Variants in THSD4 observed in about 807,000 individuals in gnomAD.
The protein encoded by THSD4 is thrombospondin type-1 domain-containing protein 4.
In THSD4, 69 loss-of-function variants were observed where a neutral mutation model predicts 119.0. The ratio of observed to expected loss-of-function variants is 0.58; its 90% CI spans 0.48 to 0.71. The LOEUF is 0.71. Among genes scored for constraint, THSD4 ranks in the 30% least tolerant of loss-of-function variants. The pLI, the probability that THSD4 is intolerant of heterozygous loss-of-function variation, is 0.00. For missense variants in THSD4, 1,393 were observed against 1,391.1 expected, an observed-to-expected ratio of 1.00 and a Z score of -0.02; for synonymous variants, 524 against 540.4, an observed-to-expected ratio of 0.97 and a Z score of 0.42.
chr15:71,440,920 C>T (rs2047079272), intron 7 of THSD4, among the ~76,000 whole-genome samples: 1 of 152,124 alleles, frequency 6.6e-6, no homozygotes, highest in Non-Finnish European at 1.5e-5. Context: ...AAGTGAACTG[C>T]TCTTCAGACT....
At chr15:71,718,510 A>T (rs768975504) in intron 8 of THSD4, among the ~76,000 whole-genome samples, 1 of 152,154 alleles carries the variant, frequency 6.6e-6, no homozygotes, top group Non-Finnish European at 1.5e-5. Context: ...CATGCTACCC[A>T]TCTTCCTATT....
chr15:71,271,872 A>G (rs1421090944), intron 6 of THSD4, among the ~76,000 whole-genome samples: 1 of 152,220 alleles, frequency 6.6e-6, no homozygotes, highest in Non-Finnish European at 1.5e-5. Flanking sequence ...ACAAGACATC[A>G]GTCTAGGGGA....
chr15:71,462,842 C>A (rs956647901), intron 7 of THSD4, among the ~76,000 whole-genome samples: 2 of 152,178 alleles, frequency 1.3e-5, no homozygotes, highest in African/African-American at 4.8e-5. Flanking sequence ...ATTTGTGTGA[C>A]AAGTATTTGT....
intron 7 of THSD4, among the ~76,000 whole-genome samples, chr15:71,580,080 A>G (rs11072304): frequency 0.22 from 33,755 of 152,108 alleles, 4,412 homozygotes; most frequent in Non-Finnish European, 0.3. Context: ...AGAGTTTTCA[A>G]AAAAGAATAC....
At chr15:71,688,110 C>T (rs187198857) in intron 8 of THSD4, among the ~76,000 whole-genome samples, 6 of 152,302 alleles carry the variant, frequency 3.9e-5, no homozygotes, top group South Asian at 2.1e-4. Context: ...TGTATTTTCC[C>T]GTCTCTTCAT....
At chr15:71,487,677 T>C (rs2047843843) in intron 7 of THSD4, among the ~76,000 whole-genome samples, 1 of 152,254 alleles carries the variant, frequency 6.6e-6, no homozygotes, top group African/African-American at 2.4e-5. Flanking sequence ...TCAAGAATGT[T>C]GTTCAAATGT....
At chr15:71,516,132 C>G (rs780565655) in intron 7 of THSD4, among the ~76,000 whole-genome samples, 2 of 152,176 alleles carry the variant, frequency 1.3e-5, no homozygotes, top group Non-Finnish European at 2.9e-5. Context: ...AGTATCTGCT[C>G]TCCACTGAAA....
intron 6 of THSD4, among the ~76,000 whole-genome samples, chr15:71,326,841 G>A (rs576845405): frequency 1.2e-3 from 184 of 148,326 alleles, no homozygotes; most frequent in Non-Finnish European, 2.2e-3. Flanking sequence ...CCACTGCACT[G>A]AAGTTTGGAT....
intron 3 of THSD4, among the ~76,000 whole-genome samples, chr15:71,173,022 A>G (rs1352362293): frequency 6.6e-6 from 1 of 152,010 alleles, no homozygotes; most frequent in African/African-American, 2.4e-5. Context: ...AAGTTCTAGG[A>G]GAAGCAATTA....
At chr15:71,270,312 C>T (rs993327194) in intron 6 of THSD4, among the ~76,000 whole-genome samples, 3 of 152,194 alleles carry the variant, frequency 2.0e-5, no homozygotes, top group African/African-American at 4.8e-5. Context: ...CCACAACCAT[C>T]TGATCTTTGA....
intron 7 of THSD4, among the ~76,000 whole-genome samples, chr15:71,512,939 G>A (rs567070786): frequency 2.6e-5 from 4 of 152,254 alleles, no homozygotes; most frequent in Admixed American, 2.6e-4. Context: ...TCTAGAAAAT[G>A]AAAACATACA....
chr15:71,529,600 G>A (rs2140808627), intron 7 of THSD4, among the ~76,000 whole-genome samples: 1 of 152,288 alleles, frequency 6.6e-6, no homozygotes, highest in Middle Eastern at 3.4e-3. Context: ...ATGGTGCCAG[G>A]TGCTAGGTTG....
chr15:71,313,674 G>C (rs902916468), intron 6 of THSD4, among the ~76,000 whole-genome samples: 1 of 152,096 alleles, frequency 6.6e-6, no homozygotes, highest in Non-Finnish European at 1.5e-5. Context: ...GACTCTTTTC[G>C]TAAAAGTGTT....
At chr15:71,184,523 G>C (rs770368989) in intron 3 of THSD4, among the ~76,000 whole-genome samples, 5 of 151,728 alleles carry the variant, frequency 3.3e-5, no homozygotes, top group African/African-American at 7.2e-5. Flanking sequence ...AACTTTTCAC[G>C]TTTACCATCT....
At chr15:71,209,710 A>G (rs181078038) in intron 3 of THSD4, among the ~76,000 whole-genome samples, 2 of 152,300 alleles carry the variant, frequency 1.3e-5, no homozygotes, top group East Asian at 3.9e-4. Flanking sequence ...TATGGGTGAT[A>G]TGGTTGTGTC....
intron 7 of THSD4, among the ~76,000 whole-genome samples, chr15:71,587,629 C>T (rs1460143277): frequency 8.2e-5 from 9 of 110,370 alleles, no homozygotes; most frequent in Admixed American, 1.0e-4. Flanking sequence ...GTGGTGGGGT[C>T]GGGGGAGAGG....
At chr15:71,527,204 G>T (rs1310566019) in intron 7 of THSD4, among the ~76,000 whole-genome samples, 1 of 152,030 alleles carries the variant, frequency 6.6e-6, no homozygotes, top group Non-Finnish European at 1.5e-5. Context: ...AGACACCAAA[G>T]CTGCTGGAGC....
chr15:71,451,787 G>A (rs576611738), intron 7 of THSD4, among the ~76,000 whole-genome samples: 28 of 152,078 alleles, frequency 1.8e-4, no homozygotes, highest in Non-Finnish European at 3.1e-4. Context: ...GTTCTCCTGG[G>A]TAGGTCAGGG....
At position 71,215,215 on chromosome 15, in the gene THSD4, G is replaced by A. The variant is rs746860013; in HGVS notation, c.280G>A (p.Gly94Ser). 6.5e-5 allele frequency: 89 copies of A among 1,377,854 alleles called. 1 individual carries two copies. In the South Asian group the frequency reaches 1.2e-3, roughly 19 times the overall value. The allele number at this position is 1,377,854 out of a possible 1,614,324, so 85.4% of individuals were successfully genotyped here. A position where few individuals can be genotyped will look rare whatever the true frequency, so the allele number is the denominator to read the frequency against. ...CCGCCTGCGCGGCGGCCAGCGGCCT[G>A]GCGCCCCTGCGCGCGCCTTCGCGGA... is the stretch of plus-strand genomic sequence containing the variant. ...SYRLRGGQRP[G>S]APARAFADHV... The change falls in exon 4 of 18, where the codon GGC (glycine) becomes AGC (serine). Residue 94 changes from glycine to serine, a missense_variant. Physicochemically the swap from Gly to Ser is moderately conservative, Grantham distance 56 (BLOSUM62 0). Coordinates refer to ENST00000261862, the MANE Select transcript of THSD4 (RefSeq NM_024817.3).
Sources: allele counts gnomAD v4.1 joint callset (sites outside exome capture counted in the v4.1 genomes callset), GRCh38; gene constraint gnomAD v4.1.1; transcripts MANE v1.5; gene names NCBI Gene and HGNC (gene_info 2026-07-23, HGNC 2026-07-21).